FBXO25: variants seen among roughly 807,000 people sequenced by gnomAD.
FBXO25 encodes the protein F-box only protein 25.
In FBXO25, 45 loss-of-function variants were observed where a neutral mutation model predicts 51.9. The ratio of observed to expected loss-of-function variants is 0.87; its 90% CI spans 0.68 to 1.11. The LOEUF is 1.11. FBXO25 is among the 50% of genes most tolerant of loss of function. FBXO25 has a pLI of 0.00. For missense variants in FBXO25, 507 were observed against 428.5 expected, an observed-to-expected ratio of 1.18 and a Z score of -1.62; for synonymous variants, 199 against 151.0, an observed-to-expected ratio of 1.32 and a Z score of -2.33.
chr8:449,719 G>A (rs566987355), intron 5 of FBXO25, among the ~76,000 whole-genome samples: 2 of 152,284 alleles, frequency 1.3e-5, no homozygotes, highest in Non-Finnish European at 2.9e-5. Context: ...CCTGGGCTCC[G>A]GGAGGAGATA....
At chr8:463,302 G>C in intron 9 of FBXO25, 152 bp downstream of exon 9, 1 of 875,900 alleles carries the variant, frequency 1.1e-6, no homozygotes, top group East Asian at 2.7e-5. Context: ...TTGGGGTAGG[G>C]GAACAGATGT....
intron 9 of FBXO25, among the ~76,000 whole-genome samples, chr8:465,157 C>T (rs985609815): frequency 1.3e-5 from 2 of 151,986 alleles, no homozygotes; most frequent in Non-Finnish European, 2.9e-5. Context: ...GTCCAGGTTC[C>T]CAGCCAGCTT....
chr8:468,611 GC>G (rs766939390), intron 9 of FBXO25, 103 bp from the exon 10 acceptor site: 1 of 815,496 alleles, frequency 1.2e-6, no homozygotes, highest in Non-Finnish European at 2.0e-6. Context: ...CTGAGGTGGG[GC>G]CCAGGGTCCA....
chr8:462,349 G>A (rs1799869146), intron 8 of FBXO25, among the ~76,000 whole-genome samples: 1 of 152,104 alleles, frequency 6.6e-6, no homozygotes, highest in Non-Finnish European at 1.5e-5. Context: ...TTATTATTGA[G>A]TTGTAAGTGT....
At chr8:458,575 C>T (rs1378863627) in intron 8 of FBXO25, 24 bp downstream of exon 8, 5 of 1,610,306 alleles carry the variant, frequency 3.1e-6, no homozygotes, top group African/African-American at 1.3e-5. Flanking sequence ...AGCAGTCTCC[C>T]CTCAGGCTGG....
At chr8:450,528 A>G (rs1483730675) in intron 6 of FBXO25, among the ~76,000 whole-genome samples, 2 of 152,230 alleles carry the variant, frequency 1.3e-5, no homozygotes, top group African/African-American at 4.8e-5. Context: ...ATGACTTTAT[A>G]CATGCATAGG....
intron 2 of FBXO25, among the ~76,000 whole-genome samples, chr8:428,688 G>A (rs555647569): frequency 7.9e-5 from 12 of 152,140 alleles, no homozygotes; most frequent in Admixed American, 7.2e-4. Context: ...CCCATTAAAC[G>A]CTAACTTTTC....
rs1287637185 is a variant in FBXO25 at position 469,438 on chromosome 8, G to A, written c.*634G>A. 1 of 152,460 alleles carries A rather than the reference G, an allele frequency of 6.6e-6. No homozygotes were observed. Among genetic ancestry groups the A allele is most frequent in the African/African-American group, 2.4e-5 (1 of 41,442 alleles). The allele number at this position is 152,460 out of a possible 1,614,324, so 9.4% of individuals were successfully genotyped here. ...AGGCATCCAGCACAGGTTCTGGCAG[G>A]GCACCCCTGCTGGGGTTGGGGGCTG... On this transcript the variant is annotated 3_prime_UTR_variant, in exon 10 of 10. Coordinates refer to ENST00000350302, the MANE Select transcript of FBXO25 (RefSeq NM_183420.2).
intron 1 of FBXO25, among the ~76,000 whole-genome samples, chr8:409,424 A>C (rs1796361831): frequency 6.6e-6 from 1 of 152,216 alleles, no homozygotes; most frequent in South Asian, 2.1e-4. Context: ...AATCAAACTT[A>C]TCAGCTGAGA....
rs1359451170 is a variant in FBXO25, at chr8:477,761, A to T, written c.*8957A>T. 2 of 152,294 alleles carry T rather than the reference A, an allele frequency of 1.3e-5. No individual in the cohort carries two copies. Among genetic ancestry groups the T allele is most frequent in the East Asian group, 3.8e-4 (2 of 5,200 alleles). The allele number at this position is 152,294 out of a possible 1,614,324, so 9.4% of individuals were successfully genotyped here. A position where few individuals can be genotyped will look rare whatever the true frequency, so the allele number is the denominator to read the frequency against. On this transcript the variant is annotated 3_prime_UTR_variant, in exon 10 of 10. Coordinates refer to ENST00000350302, the MANE Select transcript of FBXO25 (RefSeq NM_183420.2). The stretch of plus-strand genomic sequence containing the variant: ...CTGTGTTCCAAACTTTTTGGACAAT[A>T]AAATCTGAATTTCACATACTTTTCT...
intron 1 of FBXO25, among the ~76,000 whole-genome samples, chr8:409,166 A>G (rs565436059): frequency 1.3e-5 from 2 of 152,274 alleles, no homozygotes; most frequent in African/African-American, 2.4e-5. Context: ...TTAAATTGCA[A>G]CTTGTCTTTT....
chr8:420,835 A>C, intron 2 of FBXO25, among the ~76,000 whole-genome samples: 1 of 152,222 alleles, frequency 6.6e-6, no homozygotes, highest in Middle Eastern at 3.2e-3. Context: ...GAGTGATGGG[A>C]CTGTGTTAGA....
intron 7 of FBXO25, among the ~76,000 whole-genome samples, chr8:456,953 C>T (rs1799479111): frequency 6.6e-6 from 1 of 152,190 alleles, no homozygotes; most frequent in Admixed American, 6.5e-5. Flanking sequence ...CCACAGAGGT[C>T]AGGTGATTTT....
intron 2 of FBXO25, among the ~76,000 whole-genome samples, chr8:426,942 C>A (rs1797527103): frequency 7.4e-6 from 1 of 135,812 alleles, no homozygotes. Flanking sequence ...GGTTTCACAT[C>A]TTTTTTTTAA....
chr8:451,787 CTATT>C (rs1226483631), intron 7 of FBXO25, among the ~76,000 whole-genome samples: 7 of 152,248 alleles, frequency 4.6e-5, no homozygotes, highest in Non-Finnish European at 8.8e-5. Flanking sequence ...CAGTAATTCT[CTATT>C]TATTTAGTTG....
intron 9 of FBXO25, among the ~76,000 whole-genome samples, chr8:466,903 C>T (rs1373695680): frequency 2.6e-5 from 4 of 152,152 alleles, no homozygotes; most frequent in Non-Finnish European, 5.9e-5. Flanking sequence ...TGTACAAAAC[C>T]TCAGTTAAAA....
Position 468,753 on chromosome 8 carries a change from C to T in FBXO25, c.1026C>T (p.Ser342=). 3.7e-6 allele frequency: 6 copies of T among 1,614,072 alleles called. No homozygotes were observed. The highest frequency in any genetic ancestry group is 2.7e-5 in the African/African-American group (2 of 75,026). ...GHPCTAADPD[S]CFTPVSPQHF... ...CCTGCACGGCGGCCGACCCTGACAGCTGCTTCACGCCTGTGTCTCCGCAGC... is the reference window on the plus strand; with the variant it reads ...CCTGCACGGCGGCCGACCCTGACAGTTGCTTCACGCCTGTGTCTCCGCAGC... The change falls in exon 10 of 10, where the codon AGC becomes AGT. Residue 342 remains serine (S), a synonymous_variant. Coordinates refer to ENST00000350302, the MANE Select transcript of FBXO25 (RefSeq NM_183420.2).
chr8:445,943 T>A (rs1160586903), intron 5 of FBXO25, among the ~76,000 whole-genome samples: 2 of 152,178 alleles, frequency 1.3e-5, no homozygotes, highest in Non-Finnish European at 2.9e-5. Flanking sequence ...TCTGGTGTGA[T>A]GGAGGGGATT....
intron 9 of FBXO25, chr8:467,963 G>T: frequency 7.1e-7 from 1 of 1,400,104 alleles, no homozygotes; most frequent in Admixed American, 2.9e-5. Context: ...CAACACCTGA[G>T]TGCTGAGGGA....
Sources: allele counts gnomAD v4.1 joint callset (sites outside exome capture counted in the v4.1 genomes callset), GRCh38; gene constraint gnomAD v4.1.1; transcripts MANE v1.5; gene names NCBI Gene and HGNC (gene_info 2026-07-23, HGNC 2026-07-21).